The following NXPE2 variants were observed in gnomAD, a reference collection of about 807,000 sequenced individuals.
The protein encoded by NXPE2 is NXPE family member 2.
Under a neutral mutation model 34.4 loss-of-function variants are expected in NXPE2, and 34 were observed. The ratio of observed to expected loss-of-function variants is 0.99; its 90% CI spans 0.75 to 1.31. NXPE2 has a LOEUF of 1.31. Among genes scored for constraint, NXPE2 ranks in the 40% most tolerant of loss-of-function variants. The pLI is 0.00. For missense variants in NXPE2, 649 were observed against 672.5 expected (o/e 0.97, Z 0.39); for synonymous variants, 235 against 231.3 (o/e 1.02, Z -0.15).
the NXPE2 span, among the ~76,000 whole-genome samples, chr11:114,785,724 C>T: frequency 5.3e-4 from 80 of 152,188 alleles, no homozygotes; most frequent in Non-Finnish European, 1.0e-3. Context: ...CAGAGCTCTT[C>T]ACATTAAGCT....
At chr11:114,798,856 T>C in the NXPE2 span, among the ~76,000 whole-genome samples, 1 of 152,226 alleles carries the variant, frequency 6.6e-6, no homozygotes, top group Non-Finnish European at 1.5e-5. Context: ...TCTTTCAATC[T>C]GTACCTTCCC....
At chr11:114,528,668 T>A in the NXPE2 span, 1 of 453,934 alleles carries the variant, frequency 2.2e-6, no homozygotes, top group East Asian at 3.0e-5. Flanking sequence ...TCACTCTTCC[T>A]GCTTGAAAGC....
the NXPE2 span, among the ~76,000 whole-genome samples, chr11:114,665,398 A>C: frequency 5.3e-5 from 8 of 152,292 alleles, no homozygotes; most frequent in South Asian, 1.4e-3. Flanking sequence ...AATTCTGTGA[A>C]CATAGCACAA....
the NXPE2 span, chr11:114,550,995 T>C: frequency 1.3e-5 from 8 of 628,898 alleles, no homozygotes; most frequent in African/African-American, 9.1e-5. Context: ...AGGGCAGTAG[T>C]TGAGGTGGGG....
chr11:114,546,322 A>AGT, the NXPE2 span, among the ~76,000 whole-genome samples: 3 of 152,332 alleles, frequency 2.0e-5, no homozygotes, highest in South Asian at 6.2e-4. Context: ...GGTGAAGGCT[A>AGT]GTGTGTGAAC....
At chr11:114,483,912 C>G in the NXPE2 span, among the ~76,000 whole-genome samples, 1 of 152,118 alleles carries the variant, frequency 6.6e-6, no homozygotes, top group African/African-American at 2.4e-5. Flanking sequence ...TCCCACTGAC[C>G]CCTGGCTGAT....
At chr11:114,635,970 C>T in the NXPE2 span, among the ~76,000 whole-genome samples, 1 of 152,046 alleles carries the variant, frequency 6.6e-6, no homozygotes, top group Non-Finnish European at 1.5e-5. Flanking sequence ...CAGGATGATG[C>T]TGGCCTCATA....
the NXPE2 span, among the ~76,000 whole-genome samples, chr11:114,638,625 T>C: frequency 6.6e-6 from 1 of 152,064 alleles, no homozygotes; most frequent in Non-Finnish European, 1.5e-5. Flanking sequence ...ATGATGGTGA[T>C]GTACAGATAG....
the NXPE2 span, among the ~76,000 whole-genome samples, chr11:114,476,638 A>AGG: frequency 5.9e-5 from 9 of 152,046 alleles, 1 homozygote; most frequent in South Asian, 6.2e-4. Flanking sequence ...ACAAGGTGGC[A>AGG]AGAGAGAGAG....
chr11:114,535,716 C>T, the NXPE2 span, among the ~76,000 whole-genome samples: 6 of 152,118 alleles, frequency 3.9e-5, no homozygotes, highest in African/African-American at 1.4e-4. Flanking sequence ...GGAATCAATT[C>T]AACAAGAAGA....
the NXPE2 span, among the ~76,000 whole-genome samples, chr11:114,812,868 C>T: frequency 6.6e-6 from 1 of 152,104 alleles, no homozygotes; most frequent in South Asian, 2.1e-4. Context: ...TTAGTTTGTA[C>T]TGTGTTATTT....
the NXPE2 span, among the ~76,000 whole-genome samples, chr11:114,775,513 C>G: frequency 6.6e-6 from 1 of 152,158 alleles, no homozygotes; most frequent in Non-Finnish European, 1.5e-5. Flanking sequence ...CATTTATTAC[C>G]TTTCAGGGTG....
chr11:114,547,456 T>G, the NXPE2 span, among the ~76,000 whole-genome samples: 5 of 152,178 alleles, frequency 3.3e-5, no homozygotes, highest in Admixed American at 3.3e-4. Flanking sequence ...TAATGTTGGC[T>G]GGGTGCGGTG....
At chr11:114,781,288 G>A in the NXPE2 span, among the ~76,000 whole-genome samples, 1 of 152,228 alleles carries the variant, frequency 6.6e-6, no homozygotes, top group African/African-American at 2.4e-5. Context: ...CTCCAAGGGA[G>A]CAGGGCACAG....
At chr11:114,496,940 A>G in the NXPE2 span, among the ~76,000 whole-genome samples, 1 of 152,372 alleles carries the variant, frequency 6.6e-6, no homozygotes, top group African/African-American at 2.4e-5. Flanking sequence ...ACAATTATGT[A>G]TAGTACATTA....
the NXPE2 span, among the ~76,000 whole-genome samples, chr11:114,645,327 A>C: frequency 0.013 from 1,917 of 152,130 alleles, 24 homozygotes; most frequent in Non-Finnish European, 0.019. Context: ...AAATAAAAAA[A>C]CCCAGTCCCC....
intron 3 of NXPE2, among the ~76,000 whole-genome samples, chr11:114,703,459 TG>T (rs1951405239): frequency 6.6e-6 from 1 of 152,232 alleles, no homozygotes; most frequent in Admixed American, 6.5e-5. Context: ...CCATAACTGT[TG>T]AATCAGAAAT....
intron 3 of NXPE2, among the ~76,000 whole-genome samples, chr11:114,703,564 G>T (rs1046637507): frequency 3.3e-5 from 5 of 152,140 alleles, no homozygotes; most frequent in Non-Finnish European, 7.3e-5. Flanking sequence ...CCTTGGAAAG[G>T]GTTGATGAGG....
chr11:114,722,882 T>G, the NXPE2 span, among the ~76,000 whole-genome samples: 1 of 152,350 alleles, frequency 6.6e-6, no homozygotes, highest in Admixed American at 6.5e-5. Context: ...CCACTTCTTA[T>G]AAATGACAGA....
Sources: allele counts gnomAD v4.1 joint callset (sites outside exome capture counted in the v4.1 genomes callset), GRCh38; gene constraint gnomAD v4.1.1; transcripts MANE v1.5; gene names NCBI Gene and HGNC (gene_info 2026-07-23, HGNC 2026-07-21).